The following MCHR2 variants were observed in gnomAD, a reference collection of about 807,000 sequenced individuals.
The protein encoded by MCHR2 is melanin concentrating hormone receptor 2, also known as melanin-concentrating hormone receptor 2.
Under a neutral mutation model 24.8 loss-of-function variants are expected in MCHR2, and 15 were observed. The ratio of observed to expected loss-of-function variants is 0.60; its 90% CI spans 0.40 to 0.93. MCHR2 has a LOEUF of 0.93. Ranked by LOEUF, MCHR2 falls within the 40% of genes least tolerant of loss-of-function variation. The pLI, the probability that MCHR2 is intolerant of heterozygous loss-of-function variation, is 0.00. For synonymous variants in MCHR2, 151 were observed against 147.6 expected, an observed-to-expected ratio of 1.02 and a Z score of -0.17; for missense variants, 386 against 408.7, an observed-to-expected ratio of 0.94 and a Z score of 0.48.
chr6:99,934,603 A>T, intron 4 of MCHR2, 86 bp from the exon 5 acceptor site: 1 of 1,221,968 alleles, frequency 8.2e-7, no homozygotes, highest in Non-Finnish European at 1.1e-6. Flanking sequence ...GCAGTTTCCG[A>T]GGCATAATTC....
At chr6:99,957,853 A>G in intron 1 of MCHR2, among the ~76,000 whole-genome samples, 1 of 152,102 alleles carries the variant, frequency 6.6e-6, no homozygotes, top group Non-Finnish European at 1.5e-5. Flanking sequence ...AAATTTGTAA[A>G]TGGAGAAAAA....
intron 3 of MCHR2, among the ~76,000 whole-genome samples, chr6:99,946,073 TATA>T (rs1774867707): frequency 6.6e-6 from 1 of 151,918 alleles, no homozygotes; most frequent in East Asian, 1.9e-4. Context: ...AGGCACAGTA[TATA>T]AAGAAGCTCG....
At chr6:99,984,064 G>A (rs941717081) in intron 1 of MCHR2, among the ~76,000 whole-genome samples, 7 of 152,130 alleles carry the variant, frequency 4.6e-5, no homozygotes, top group East Asian at 3.9e-4. Context: ...TGGCTTAAAC[G>A]TAAAGGGTAT....
chr6:99,977,208 T>C (rs1473352989), intron 1 of MCHR2, among the ~76,000 whole-genome samples: 1 of 152,224 alleles, frequency 6.6e-6, no homozygotes, highest in Non-Finnish European at 1.5e-5. Flanking sequence ...TTAATTAGCA[T>C]GTTCAAAATC....
intron 1 of MCHR2, among the ~76,000 whole-genome samples, chr6:99,981,618 T>C (rs915696751): frequency 1.3e-5 from 2 of 152,184 alleles, no homozygotes; most frequent in African/African-American, 4.8e-5. Flanking sequence ...ACCCATTGCA[T>C]AAGGCTGTTG....
At chr6:99,972,941 T>A (rs1008861886) in intron 1 of MCHR2, among the ~76,000 whole-genome samples, 2 of 152,200 alleles carry the variant, frequency 1.3e-5, no homozygotes, top group Non-Finnish European at 2.9e-5. Context: ...TTGTTATAAT[T>A]TCTGTTCTTT....
intron 5 of MCHR2, among the ~76,000 whole-genome samples, chr6:99,928,208 G>A (rs1774414226): frequency 6.6e-6 from 1 of 152,202 alleles, no homozygotes; most frequent in Non-Finnish European, 1.5e-5. Context: ...TGGTGGATAA[G>A]CTTTTTGATG....
At chr6:99,990,779 T>G (rs934978338) in intron 1 of MCHR2, among the ~76,000 whole-genome samples, 11 of 151,740 alleles carry the variant, frequency 7.2e-5, no homozygotes, top group Admixed American at 2.0e-4. Flanking sequence ...ATTTTTTTTC[T>G]TATCTTCCTG....
intron 2 of MCHR2, among the ~76,000 whole-genome samples, chr6:99,951,729 T>A (rs767041754): frequency 3.3e-5 from 5 of 152,100 alleles, no homozygotes; most frequent in Non-Finnish European, 7.4e-5. Flanking sequence ...GAGCTGTTAG[T>A]TATTATTTAA....
chr6:99,943,450 G>A (rs1774816448), intron 3 of MCHR2, among the ~76,000 whole-genome samples: 1 of 150,936 alleles, frequency 6.6e-6, no homozygotes, highest in South Asian at 2.1e-4. Context: ...TCGTCATTTA[G>A]CATTAGGTAT....
At chr6:99,953,303 A>G (rs1312432560) in intron 2 of MCHR2, among the ~76,000 whole-genome samples, 1 of 152,142 alleles carries the variant, frequency 6.6e-6, no homozygotes, top group African/African-American at 2.4e-5. Context: ...GCTAACACCT[A>G]ATAAGGACCT....
At chr6:99,944,087 G>T (rs894667153) in intron 3 of MCHR2, among the ~76,000 whole-genome samples, 12 of 152,270 alleles carry the variant, frequency 7.9e-5, no homozygotes, top group Admixed American at 4.6e-4. Flanking sequence ...TATAGACAAT[G>T]CAAATTCCTT....
chr6:99,929,816 T>C (rs1478793486), intron 5 of MCHR2, among the ~76,000 whole-genome samples: 3 of 150,604 alleles, frequency 2.0e-5, no homozygotes, highest in Non-Finnish European at 4.4e-5. Flanking sequence ...TGTCTTTTAA[T>C]TGGAGCATTT....
chr6:99,993,642 A>G (rs1005117136), intron 1 of MCHR2, among the ~76,000 whole-genome samples: 2 of 151,796 alleles, frequency 1.3e-5, no homozygotes, highest in Non-Finnish European at 2.9e-5. Flanking sequence ...GCTTCCCGGA[A>G]AGCCACTCCC....
intron 1 of MCHR2, among the ~76,000 whole-genome samples, chr6:99,973,910 A>G (rs980966342): frequency 3.7e-4 from 57 of 152,154 alleles, no homozygotes; most frequent in Admixed American, 2.4e-3. Context: ...TGGCTTGTAG[A>G]GTTTCTGTCG....
At chr6:99,961,614 C>T (rs1216132541) in intron 1 of MCHR2, among the ~76,000 whole-genome samples, 1 of 152,046 alleles carries the variant, frequency 6.6e-6, no homozygotes, top group African/African-American at 2.4e-5. Context: ...GGATAGAAAA[C>T]CAAACACTGC....
intron 1 of MCHR2, among the ~76,000 whole-genome samples, chr6:99,975,228 T>C (rs79126090): frequency 5.9e-5 from 9 of 152,298 alleles, no homozygotes; most frequent in African/African-American, 1.7e-4. Flanking sequence ...CCACCCAGTT[T>C]GAGCTTCCAG....
At chr6:99,960,152 C>A (rs1286915409) in intron 1 of MCHR2, among the ~76,000 whole-genome samples, 1 of 151,896 alleles carries the variant, frequency 6.6e-6, no homozygotes, top group Non-Finnish European at 1.5e-5. Context: ...TTAGCAGAAA[C>A]CTTGCAAGCC....
At chr6:99,942,227 G>C (rs565264814) in intron 4 of MCHR2, among the ~76,000 whole-genome samples, 7 of 152,264 alleles carry the variant, frequency 4.6e-5, no homozygotes, top group African/African-American at 1.4e-4. Flanking sequence ...CTGAAAGCTA[G>C]ACATCTGAAA....
Sources: gnomAD v4.1 joint callset for allele counts (sites outside exome capture counted in the v4.1 genomes callset) on GRCh38, gnomAD v4.1.1 for gene constraint, MANE v1.5 for transcripts, NCBI Gene and HGNC (gene_info 2026-07-23, HGNC 2026-07-21) for gene names.